Variants in RANBP2 observed in about 807,000 individuals in gnomAD.
RANBP2 encodes the protein E3 SUMO-protein ligase RanBP2.
Under a neutral mutation model 303.6 loss-of-function variants are expected in RANBP2, and 57 were observed. That is an observed-to-expected ratio of 0.19 (90% CI 0.15 to 0.23). The LOEUF (loss-of-function observed/expected upper bound fraction) is 0.23, where lower values mean the gene tolerates loss of function less well. RANBP2 is among the 10% of genes least tolerant of loss of function. RANBP2 has a pLI of 1.00. For missense variants in RANBP2, 3,138 were observed against 3,780.8 expected (o/e 0.83, Z 4.46); for synonymous variants, 1,167 against 1,301.5 (o/e 0.90, Z 2.23).
chr2:109,711,917 C>T, the RANBP2 span, among the ~76,000 whole-genome samples: 1 of 152,150 alleles, frequency 6.6e-6, no homozygotes, highest in Non-Finnish European at 1.5e-5. Flanking sequence ...CTGCTCGCTT[C>T]TCCCTGCCCT....
chr2:108,979,467 T>TCACA, the RANBP2 span, among the ~76,000 whole-genome samples: 25 of 147,222 alleles, frequency 1.7e-4, no homozygotes, highest in African/African-American at 5.5e-4. Context: ...TCTCTCTCTC[T>TCACA]CACACACACA....
the RANBP2 span, chr2:109,501,798 C>T: frequency 3.2e-6 from 2 of 616,148 alleles, no homozygotes; most frequent in East Asian, 5.5e-5. Context: ...GCGGGGGATA[C>T]CCTGGCCCAG....
At chr2:108,814,632 AT>A in the RANBP2 span, among the ~76,000 whole-genome samples, 674 of 149,016 alleles carry the variant, frequency 4.5e-3, 4 homozygotes, top group African/African-American at 0.016. Flanking sequence ...CTGTCTTTGA[AT>A]TTTTTTGTTT....
chr2:109,260,352 C>T, the RANBP2 span, among the ~76,000 whole-genome samples: 38,355 of 152,062 alleles, frequency 0.25, 5,256 homozygotes, highest in East Asian at 0.46. Context: ...ACCTGTGACC[C>T]GAGGTCAGGG....
At chr2:109,457,956 A>T in the RANBP2 span, among the ~76,000 whole-genome samples, 1 of 152,206 alleles carries the variant, frequency 6.6e-6, no homozygotes, top group East Asian at 1.9e-4. Context: ...TTTTGGTCCC[A>T]TAACTGAGGG....
At chr2:109,104,685 T>G in the RANBP2 span, among the ~76,000 whole-genome samples, 4 of 151,920 alleles carry the variant, frequency 2.6e-5, no homozygotes, top group Admixed American at 6.6e-5. Context: ...GGGTTTCACC[T>G]TGTTAGCCAG....
At chr2:109,161,264 T>C in the RANBP2 span, among the ~76,000 whole-genome samples, 2 of 152,036 alleles carry the variant, frequency 1.3e-5, no homozygotes, top group Non-Finnish European at 2.9e-5. Flanking sequence ...AGTGATGAGT[T>C]GAGTTTAGTT....
the RANBP2 span, among the ~76,000 whole-genome samples, chr2:108,977,984 T>C: frequency 2.6e-5 from 4 of 152,222 alleles, no homozygotes; most frequent in South Asian, 6.2e-4. Flanking sequence ...CTCAGGGAGC[T>C]TCTATTCTCG....
chr2:109,691,263 C>A, the RANBP2 span, among the ~76,000 whole-genome samples: 1 of 152,306 alleles, frequency 6.6e-6, no homozygotes, highest in African/African-American at 2.4e-5. Flanking sequence ...AGAGAAATTT[C>A]TCTTAGATGA....
chr2:108,941,389 C>T, the RANBP2 span, among the ~76,000 whole-genome samples: 1 of 152,166 alleles, frequency 6.6e-6, no homozygotes, highest in Non-Finnish European at 1.5e-5. Context: ...TCTGCTCTGG[C>T]CAGAGGAGAG....
intron 9 of RANBP2, among the ~76,000 whole-genome samples, chr2:108,750,819 C>T (rs1675824090): frequency 6.6e-6 from 1 of 152,218 alleles, no homozygotes; most frequent in Non-Finnish European, 1.5e-5. Context: ...GAACTCCTGA[C>T]TGCGCAGAAC....
the RANBP2 span, among the ~76,000 whole-genome samples, chr2:109,095,194 G>A: frequency 2.0e-5 from 3 of 152,182 alleles, no homozygotes; most frequent in African/African-American, 7.2e-5. Flanking sequence ...GAAAGAGTCA[G>A]ACCTTATCTT....
At chr2:109,125,021 A>G in the RANBP2 span, among the ~76,000 whole-genome samples, 1 of 152,264 alleles carries the variant, frequency 6.6e-6, no homozygotes, top group Non-Finnish European at 1.5e-5. Flanking sequence ...AGGAAATGAA[A>G]TTGGAAAACC....
the RANBP2 span, among the ~76,000 whole-genome samples, chr2:109,164,564 C>T: frequency 3.9e-5 from 6 of 152,180 alleles, no homozygotes; most frequent in Admixed American, 2.0e-4. Context: ...ACTCTTCTAC[C>T]CATTCAAACT....
chr2:108,981,836 A>G, the RANBP2 span, among the ~76,000 whole-genome samples: 1 of 152,208 alleles, frequency 6.6e-6, no homozygotes, highest in African/African-American at 2.4e-5. Context: ...CACATGTGTG[A>G]AGCAGTGATG....
chr2:109,249,487 TTC>T, the RANBP2 span, among the ~76,000 whole-genome samples: 5 of 21,494 alleles, frequency 2.3e-4, no homozygotes, highest in African/African-American at 1.2e-3. Flanking sequence ...CTTTCTTTCT[TTC>T]TTTCTTTCTT....
At chr2:109,303,850 G>A in the RANBP2 span, among the ~76,000 whole-genome samples, 192 of 152,282 alleles carry the variant, frequency 1.3e-3, no homozygotes, top group South Asian at 5.6e-3. Flanking sequence ...ACCTCTCAGA[G>A]TTGTGCATCG....
the RANBP2 span, among the ~76,000 whole-genome samples, chr2:109,216,794 CAT>C: frequency 2.6e-5 from 4 of 152,198 alleles, no homozygotes; most frequent in Non-Finnish European, 4.4e-5. Flanking sequence ...ATATACATAA[CAT>C]AAAAATTTAC....
the RANBP2 span, chr2:109,501,870 CCT>C: frequency 1.8e-6 from 1 of 555,418 alleles, no homozygotes; most frequent in African/African-American, 1.9e-5. Flanking sequence ...GGAGAGCACA[CCT>C]GGGATGTTCT....
Sources: gnomAD v4.1 joint callset for allele counts (sites outside exome capture counted in the v4.1 genomes callset) on GRCh38, gnomAD v4.1.1 for gene constraint, MANE v1.5 for transcripts, NCBI Gene and HGNC (gene_info 2026-07-23, HGNC 2026-07-21) for gene names.